Variants in COL19A1 observed in about 807,000 individuals in gnomAD.
The protein encoded by COL19A1 is collagen type XIX alpha 1 chain.
A neutral mutation model predicts 190.2 loss-of-function variants in COL19A1; 159 were observed. That is an observed-to-expected ratio of 0.84 (90% CI 0.73 to 0.95). The LOEUF (loss-of-function observed/expected upper bound fraction) is 0.95. Among genes scored for constraint, COL19A1 ranks in the 40% least tolerant of loss-of-function variants. The pLI is 0.00. For missense variants in COL19A1, 1,418 were observed against 1,431.9 expected (o/e 0.99, Z 0.16); for synonymous variants, 509 against 458.9 (o/e 1.11, Z -1.39).
At chr6:69,907,118 T>A (rs1396078347) in intron 4 of COL19A1, among the ~76,000 whole-genome samples, 1 of 147,564 alleles carries the variant, frequency 6.8e-6, no homozygotes, top group Non-Finnish European at 1.5e-5. Context: ...TTTTTTTTTT[T>A]TTTTTTTTTT....
chr6:69,882,058 A>G lies in COL19A1; in HGVS notation c.91+2400A>G, dbSNP rs560485991. Among the ~76,000 whole-genome samples the G allele has an allele frequency of 2.0e-5, 3 of 152,284 alleles. No homozygotes were observed. In the South Asian group the frequency reaches 6.2e-4, roughly 32 times the overall value. ...AAATAAAATATAACAAATCTGAGAG[A>G]GAGTCTAGGGTTTCAGGGCTGGAGT... On this transcript the variant is annotated intron_variant, in intron 2 of 50. Transcript: ENST00000620364.
chr6:70,038,488 C>T (rs1779470653), intron 14 of COL19A1, among the ~76,000 whole-genome samples: 1 of 152,212 alleles, frequency 6.6e-6, no homozygotes, highest in Non-Finnish European at 1.5e-5. Flanking sequence ...CAACTTAATA[C>T]ATAGCGATAA....
chr6:70,062,565 G>C (rs1780902712), intron 14 of COL19A1, among the ~76,000 whole-genome samples: 1 of 152,104 alleles, frequency 6.6e-6, no homozygotes, highest in Non-Finnish European at 1.5e-5. Context: ...GGAAGAAACT[G>C]CATCAACTAA....
At chr6:70,049,035 T>TA (rs1582778007) in intron 14 of COL19A1, among the ~76,000 whole-genome samples, 1 of 152,044 alleles carries the variant, frequency 6.6e-6, no homozygotes, top group East Asian at 1.9e-4. Context: ...TATTTATATG[T>TA]ACATATAAAT....
chr6:69,889,519 C>G (rs573635512), intron 2 of COL19A1, among the ~76,000 whole-genome samples: 1 of 152,308 alleles, frequency 6.6e-6, no homozygotes, highest in East Asian at 1.9e-4. Flanking sequence ...ATGCACCAAT[C>G]AGCACTCTGT....
intron 14 of COL19A1, among the ~76,000 whole-genome samples, chr6:70,048,041 A>G (rs570628737): frequency 1.3e-5 from 2 of 152,302 alleles, no homozygotes; most frequent in South Asian, 4.1e-4. Flanking sequence ...TGCAGAAGCC[A>G]AAGGTTAAGT....
At chr6:70,142,145 G>C in intron 22 of COL19A1, 69 bp downstream of exon 22, 3 of 1,399,394 alleles carry the variant, frequency 2.1e-6, no homozygotes, top group Non-Finnish European at 3.0e-6. Flanking sequence ...TGTAAAACAT[G>C]GTGCTTTGGT....
At position 70,156,663 on chromosome 6, in the gene COL19A1, T is replaced by C; in HGVS notation, c.2239-7T>C. The C allele has an allele frequency of 1.2e-6, 2 of 1,611,456 alleles. No individual in the cohort carries two copies. Among genetic ancestry groups the C allele is most frequent in the Non-Finnish European group, 1.7e-6 (2 of 1,178,390 alleles). Reference sequence around the variant, plus strand: ...GCATGTGCTAGCTGAATGTATTGTCTTTTTAGGGAAGCAAAGGAGAGCGGG... The same window carrying C: ...GCATGTGCTAGCTGAATGTATTGTCCTTTTAGGGAAGCAAAGGAGAGCGGG... On this transcript the variant is annotated splice_region_variant and splice_polypyrimidine_tract_variant and intron_variant, in intron 33 of 50. Transcript: ENST00000620364.
In COL19A1 at chr6:70,149,884, C is replaced by T. The variant is rs1786933740; in HGVS notation, c.1963C>T (p.Pro655Ser). The T allele has an allele frequency of 1.2e-6, 2 of 1,613,716 alleles. No homozygotes were observed. Among genetic ancestry groups the T allele is most frequent in the Non-Finnish European group, 1.7e-6 (2 of 1,179,796 alleles). Residue 655 changes from proline to serine, a missense_variant, in exon 29 of 51, where the codon CCA (proline) becomes TCA (serine). By Grantham distance (74) the Pro-to-Ser change is moderately conservative (BLOSUM62 -1). Coordinates refer to ENST00000620364, the MANE Select transcript of COL19A1 (RefSeq NM_001858.6). The part of the protein sequence containing the change: ...PRGLPGLPGT[P>S]GTPGNDGVPG... ...AGGTCTCCCTGGGTTGCCAGGAACT[C>T]CAGGGACTCCAGGGAATGATGTAAG...
At position 70,199,898 on chromosome 6, in the gene COL19A1, T is replaced by C. The variant is rs1332322455; in HGVS notation, c.3223+162T>C. 8.7e-5 allele frequency: 59 copies of C among 681,328 alleles called. 3 individuals carry two copies. In the Admixed American group the frequency reaches 1.6e-3, roughly 19 times the overall value. 42.2% of individuals were successfully genotyped at this position (681,328 alleles called of 1,614,324 possible). Reference sequence around the variant, plus strand: ...AAAATGGTTTCATATGTAATCTCTTTATAATATTTGACATTCTAGAAGTAG... The same window carrying C: ...AAAATGGTTTCATATGTAATCTCTTCATAATATTTGACATTCTAGAAGTAG... On this transcript the variant is annotated intron_variant, in intron 49 of 50. Coordinates refer to ENST00000620364, the MANE Select transcript of COL19A1 (RefSeq NM_001858.6).
At position 70,090,748 on chromosome 6, in the gene COL19A1, G is replaced by A. The variant is rs1182632838; in HGVS notation, c.1225-11421G>A. On this transcript the variant is annotated intron_variant, in intron 15 of 50. Transcript: ENST00000620364. ...CTATATAATATGACCTTTTTAAGAC[G>A]AAACTCCTAACGGCTTCACATCACA... Among the ~76,000 whole-genome samples, 9 of 152,054 alleles carry A rather than the reference G, an allele frequency of 5.9e-5. 1 individual carries two copies. Among genetic ancestry groups the A allele is most frequent in the Middle Eastern group, 6.3e-3 (2 of 316 alleles).
At chr6:69,943,097 G>A (rs1457954189) in intron 9 of COL19A1, among the ~76,000 whole-genome samples, 1 of 152,020 alleles carries the variant, frequency 6.6e-6, no homozygotes, top group African/African-American at 2.4e-5. Flanking sequence ...TTCTAAACTA[G>A]GGTAAGATGA....
chr6:70,021,147 T>C (rs1453026948), intron 11 of COL19A1, among the ~76,000 whole-genome samples: 1 of 152,114 alleles, frequency 6.6e-6, no homozygotes, highest in Non-Finnish European at 1.5e-5. Context: ...AGTAACTTAT[T>C]TTTATATGTT....
intron 9 of COL19A1, among the ~76,000 whole-genome samples, chr6:69,952,540 C>T (rs948458428): frequency 1.3e-5 from 2 of 151,790 alleles, no homozygotes; most frequent in African/African-American, 4.8e-5. Flanking sequence ...TATTAAAGCA[C>T]TTAAGAAGTA....
intron 4 of COL19A1, among the ~76,000 whole-genome samples, chr6:69,913,875 A>C (rs1254620778): frequency 6.6e-6 from 1 of 152,146 alleles, no homozygotes; most frequent in African/African-American, 2.4e-5. Flanking sequence ...CTGATCCTAA[A>C]GCAACAGTTG....
intron 19 of COL19A1, 34 bp from the exon 20 acceptor site, chr6:70,140,920 G>C (rs372606457): frequency 2.2e-5 from 35 of 1,605,746 alleles, no homozygotes; most frequent in Non-Finnish European, 3.0e-5. Flanking sequence ...ATTTCTAAGA[G>C]CGTTTAATTC....
rs1233601390 is a variant in COL19A1, at chr6:70,212,164, G to T, written c.*4890G>T. On this transcript the variant is annotated 3_prime_UTR_variant, in exon 51 of 51. Coordinates refer to ENST00000620364, the MANE Select transcript of COL19A1 (RefSeq NM_001858.6). ...ATTGTGTTATGCAAAGTACATTTTG[G>T]AGATAAATGTTTTTCAGCACATTAA... Among the ~76,000 whole-genome samples the T allele has an allele frequency of 2.0e-5, 3 of 152,056 alleles. No homozygotes were observed. The highest frequency in any genetic ancestry group is 4.8e-5 in the African/African-American group (2 of 41,404).
At chr6:70,097,909 G>A (rs924583899) in intron 15 of COL19A1, among the ~76,000 whole-genome samples, 3 of 152,074 alleles carry the variant, frequency 2.0e-5, no homozygotes, top group Admixed American at 6.6e-5. Context: ...GACTTATTCC[G>A]GCTCAGCAGA....
At chr6:69,922,134 A>G (rs761213715) in intron 4 of COL19A1, among the ~76,000 whole-genome samples, 63 of 151,776 alleles carry the variant, frequency 4.2e-4, no homozygotes, top group Admixed American at 7.2e-4. Flanking sequence ...TTGTAAGAGT[A>G]GATTTTTTTT....
Sources: allele counts gnomAD v4.1 joint callset (sites outside exome capture counted in the v4.1 genomes callset), GRCh38; gene constraint gnomAD v4.1.1; transcripts MANE v1.5; gene names NCBI Gene and HGNC (gene_info 2026-07-23, HGNC 2026-07-21).